DACH2: variants seen among roughly 807,000 people sequenced by gnomAD.
The protein encoded by DACH2 is dachshund family transcription factor 2, also known as dachshund homolog 2.
A neutral mutation model predicts 35.8 loss-of-function variants in DACH2; 17 were observed. The ratio of observed to expected loss-of-function variants is 0.48; its 90% CI spans 0.33 to 0.71. The LOEUF is 0.71. Ranked by LOEUF, DACH2 falls within the 30% of genes least tolerant of loss-of-function variation. The pLI is 0.02. For missense variants in DACH2, 469 were observed against 472.7 expected, an observed-to-expected ratio of 0.99 and a Z score of 0.07; for synonymous variants, 195 against 177.3, an observed-to-expected ratio of 1.10 and a Z score of -0.79.
At chrX:86,406,629 G>A (rs963465289) in intron 2 of DACH2, among the ~76,000 whole-genome samples, 1 of 112,263 alleles carries the variant, frequency 8.9e-6, no homozygotes, top group Non-Finnish European at 1.9e-5. Context: ...TTAAGACAGA[G>A]ACATAATTGG....
chrX:86,464,686 TAA>T (rs200104126), intron 2 of DACH2, among the ~76,000 whole-genome samples: 33 of 106,807 alleles, frequency 3.1e-4, no homozygotes, highest in African/African-American at 1.1e-3. Context: ...TAAAGTAAAA[TAA>T]AAAAAAATAA....
At chrX:86,349,569 G>A (rs1365480473) in intron 1 of DACH2, among the ~76,000 whole-genome samples, 4 of 112,173 alleles carry the variant, frequency 3.6e-5, no homozygotes, top group Non-Finnish European at 5.6e-5. Flanking sequence ...GCACTTCCCT[G>A]AACCCTTCCC....
intron 5 of DACH2, among the ~76,000 whole-genome samples, chrX:86,710,138 A>T (rs1485005885): frequency 1.8e-5 from 2 of 112,610 alleles, no homozygotes; most frequent in Non-Finnish European, 3.8e-5. Context: ...AGATGAATGC[A>T]TAAAACAACT....
chrX:86,751,123 C>T (rs1333385029), intron 7 of DACH2, among the ~76,000 whole-genome samples: 3 of 110,901 alleles, frequency 2.7e-5, no homozygotes, highest in Non-Finnish European at 5.7e-5. Flanking sequence ...TTCTATGATA[C>T]CAAAACTTGG....
At chrX:86,656,855 G>GTATATATATATA (rs1216926312) in intron 4 of DACH2, among the ~76,000 whole-genome samples, 3 of 62,023 alleles carry the variant, frequency 4.8e-5, no homozygotes, top group African/African-American at 2.1e-4. Context: ...ATGTGTGTGT[G>GTATATATATATA]TGTATATATA....
intron 1 of DACH2, among the ~76,000 whole-genome samples, chrX:86,249,121 A>G (rs1404582158): frequency 9.0e-6 from 1 of 111,636 alleles, no homozygotes; most frequent in Non-Finnish European, 1.9e-5. Flanking sequence ...AACCTAGGAC[A>G]TTCTATTCTG....
At chrX:86,763,297 TACAACC>T (rs2041901171) in intron 7 of DACH2, among the ~76,000 whole-genome samples, 1 of 112,382 alleles carries the variant, frequency 8.9e-6, no homozygotes, top group Non-Finnish European at 1.9e-5. Context: ...TGGAATGATT[TACAACC>T]ACAAACATTA....
At chrX:86,806,966 A>G (rs921893792) in intron 7 of DACH2, among the ~76,000 whole-genome samples, 4 of 111,671 alleles carry the variant, frequency 3.6e-5, no homozygotes, top group Non-Finnish European at 3.8e-5. Flanking sequence ...GTTTTGCAAC[A>G]TCACTGGCCT....
intron 11 of DACH2, among the ~76,000 whole-genome samples, chrX:86,818,413 T>C (rs2147357825): frequency 9.0e-6 from 1 of 111,275 alleles, no homozygotes; most frequent in Non-Finnish European, 1.9e-5. Context: ...ATCCCAATCA[T>C]TTTGCCTATT....
At chrX:86,533,574 AT>A (rs759727133) in intron 3 of DACH2, among the ~76,000 whole-genome samples, 3 of 112,065 alleles carry the variant, frequency 2.7e-5, no homozygotes, top group Non-Finnish European at 5.6e-5. Flanking sequence ...GCAAAAGCTT[AT>A]TATCAAATCG....
At chrX:86,583,535 G>T (rs1203419152) in intron 3 of DACH2, among the ~76,000 whole-genome samples, 2 of 109,678 alleles carry the variant, frequency 1.8e-5, no homozygotes, top group Non-Finnish European at 3.8e-5. Flanking sequence ...TCTATTTGCT[G>T]CTTTTTTTAA....
At chrX:86,525,334 T>C (rs2038615525) in intron 3 of DACH2, among the ~76,000 whole-genome samples, 1 of 112,211 alleles carries the variant, frequency 8.9e-6, no homozygotes, top group Non-Finnish European at 1.9e-5. Flanking sequence ...TCTATTTATC[T>C]GTCGTTGATC....
chrX:86,675,634 G>A (rs1569465224), intron 4 of DACH2, among the ~76,000 whole-genome samples: 1 of 111,639 alleles, frequency 9.0e-6, no homozygotes, highest in Non-Finnish European at 1.9e-5. Context: ...GCAGTGAGTG[G>A]TGATTGTGCC....
intron 1 of DACH2, among the ~76,000 whole-genome samples, chrX:86,159,400 G>C (rs1316045133): frequency 9.0e-6 from 1 of 111,396 alleles, no homozygotes; most frequent in East Asian, 2.8e-4. Flanking sequence ...TTGCTGCTTT[G>C]AAAATATCCT....
chrX:86,640,574 T>A (rs912557789), intron 3 of DACH2, among the ~76,000 whole-genome samples: 4 of 111,141 alleles, frequency 3.6e-5, no homozygotes, highest in Non-Finnish European at 7.5e-5. Flanking sequence ...CCAAGATCTC[T>A]TCATCTGCTG....
At chrX:86,666,138 T>G (rs1479722101) in intron 4 of DACH2, among the ~76,000 whole-genome samples, 1 of 111,698 alleles carries the variant, frequency 9.0e-6, no homozygotes, top group Non-Finnish European at 1.9e-5. Context: ...ATTGTCATTT[T>G]GCCTGGTTCC....
intron 3 of DACH2, among the ~76,000 whole-genome samples, chrX:86,633,741 A>G (rs1307730999): frequency 8.9e-6 from 1 of 111,817 alleles, no homozygotes; most frequent in Non-Finnish European, 1.9e-5. Flanking sequence ...CCAACAACAC[A>G]GCTAAAAGAA....
intron 1 of DACH2, among the ~76,000 whole-genome samples, chrX:86,220,247 T>C (rs768074116): frequency 9.1e-6 from 1 of 110,355 alleles, no homozygotes; most frequent in South Asian, 3.8e-4. Flanking sequence ...CTTCACATGA[T>C]ATCTGCCATC....
intron 2 of DACH2, among the ~76,000 whole-genome samples, chrX:86,405,155 T>A (rs1005670874): frequency 2.7e-5 from 3 of 111,672 alleles, no homozygotes; most frequent in African/African-American, 9.8e-5. Context: ...GTCTCTGACA[T>A]GCCCTGGAGA....
Sources: allele counts gnomAD v4.1 joint callset (sites outside exome capture counted in the v4.1 genomes callset), GRCh38; gene constraint gnomAD v4.1.1; transcripts MANE v1.5; gene names NCBI Gene and HGNC (gene_info 2026-07-23, HGNC 2026-07-21).